The following STIM1 variants were observed in gnomAD, a reference collection of about 807,000 sequenced individuals.
The protein encoded by STIM1 is stromal interaction molecule 1.
STIM1 carries 25 observed loss-of-function variants against 74.7 expected under a neutral mutation model. That is an observed-to-expected ratio of 0.33 (90% CI 0.24 to 0.47). The LOEUF (loss-of-function observed/expected upper bound fraction) is 0.47. STIM1 is among the 20% of genes least tolerant of loss of function. The pLI is 1.00. For missense variants in STIM1, 728 were observed against 920.8 expected (o/e 0.79, Z 2.71); for synonymous variants, 328 against 348.8 (o/e 0.94, Z 0.66).
chr11:4,016,217 A>G (rs2093895202), intron 2 of STIM1, among the ~76,000 whole-genome samples: 1 of 152,206 alleles, frequency 6.6e-6, no homozygotes, highest in African/African-American at 2.4e-5. Flanking sequence ...GGTGACCTAC[A>G]GATGGGGTTT....
chr11:4,052,588 C>A (rs1410747511), intron 3 of STIM1, among the ~76,000 whole-genome samples: 2 of 152,154 alleles, frequency 1.3e-5, no homozygotes, highest in South Asian at 2.1e-4. Context: ...AAAATTAATT[C>A]AAGATGGATT....
chr11:3,972,904 C>G (rs949533458), intron 2 of STIM1: 2 of 495,420 alleles, frequency 4.0e-6, no homozygotes. Context: ...TCCAAAGTTT[C>G]CTCCTTTCGT....
intron 2 of STIM1, among the ~76,000 whole-genome samples, chr11:3,987,202 A>T (rs1430319787): frequency 6.6e-6 from 1 of 152,220 alleles, no homozygotes; most frequent in African/African-American, 2.4e-5. Flanking sequence ...ATAGTCAAAC[A>T]CATATGAAGC....
intron 1 of STIM1, among the ~76,000 whole-genome samples, chr11:3,928,765 T>C (rs1003555831): frequency 6.6e-6 from 1 of 152,154 alleles, no homozygotes; most frequent in African/African-American, 2.4e-5. Context: ...GAAAAGACCA[T>C]ACACCCACAG....
intron 2 of STIM1, among the ~76,000 whole-genome samples, chr11:3,993,793 A>G (rs544797573): frequency 1.3e-5 from 2 of 152,224 alleles, no homozygotes; most frequent in South Asian, 4.1e-4. Flanking sequence ...TGGCACCCAG[A>G]TCTTCATTAT....
chr11:3,967,417 C>T (rs143451980), intron 1 of STIM1, 135 bp from the exon 2 acceptor site: 13 of 1,311,888 alleles, frequency 9.9e-6, no homozygotes, highest in Non-Finnish European at 1.4e-5. Context: ...TGAAACACCT[C>T]TGTCACTGTA....
chr11:4,010,883 A>G (rs530385698), intron 2 of STIM1, among the ~76,000 whole-genome samples: 19 of 151,554 alleles, frequency 1.3e-4, no homozygotes, highest in African/African-American at 4.6e-4. Flanking sequence ...CCCAGCCCCC[A>G]ACAGGCCCTG....
chr11:3,895,677 TCCTTCC>T (rs1219980840), intron 1 of STIM1, among the ~76,000 whole-genome samples: 1 of 50,258 alleles, frequency 2.0e-5, no homozygotes, highest in Non-Finnish European at 3.6e-5. Flanking sequence ...TTTCTTTCCT[TCCTTCC>T]TTCTTTCTTT....
intron 7 of STIM1, among the ~76,000 whole-genome samples, chr11:4,077,805 AC>A (rs1291713036): frequency 2.0e-5 from 3 of 152,116 alleles, no homozygotes. Flanking sequence ...CTGGTGTTTA[AC>A]CCATCCAGTG....
At chr11:3,970,543 G>GTTT (rs111602159) in intron 2 of STIM1, among the ~76,000 whole-genome samples, 4 of 145,804 alleles carry the variant, frequency 2.7e-5, no homozygotes, top group African/African-American at 1.0e-4. Context: ...GACCTGAAGG[G>GTTT]TTTTTTTTTT....
At chr11:3,981,456 G>A (rs1271764463) in intron 2 of STIM1, among the ~76,000 whole-genome samples, 2 of 152,090 alleles carry the variant, frequency 1.3e-5, no homozygotes. Context: ...TTCTCTTAAG[G>A]GTGCTGAGTT....
chr11:4,023,827 C>A (rs1478805757), intron 2 of STIM1, 46 bp from the exon 3 acceptor site: 1 of 1,497,980 alleles, frequency 6.7e-7, no homozygotes, highest in Non-Finnish European at 9.3e-7. Context: ...TCTTGACGGG[C>A]TGACTCCTAG....
intron 2 of STIM1, among the ~76,000 whole-genome samples, chr11:3,990,909 T>A (rs1307264890): frequency 1.3e-5 from 2 of 152,190 alleles, no homozygotes; most frequent in Non-Finnish European, 2.9e-5. Flanking sequence ...GATTTTCTTA[T>A]GCAGATAGTG....
chr11:3,918,541 AAAAG>A (rs71047189), intron 1 of STIM1, among the ~76,000 whole-genome samples: 52,837 of 145,930 alleles, frequency 0.36, 11,293 homozygotes, highest in Admixed American at 0.47. Context: ...CTCAAAAAAA[AAAAG>A]AAAGAAAGAA....
At chr11:3,940,733 C>A (rs12790114) in intron 1 of STIM1, among the ~76,000 whole-genome samples, 130 of 152,176 alleles carry the variant, frequency 8.5e-4, no homozygotes, top group Non-Finnish European at 1.4e-3. Flanking sequence ...GATGGCAAGC[C>A]ATGAATGAAG....
At chr11:3,856,466 C>T in intron 1 of STIM1, 57 bp downstream of exon 1, 1 of 1,576,824 alleles carries the variant, frequency 6.3e-7, no homozygotes, top group Non-Finnish European at 8.6e-7. Flanking sequence ...GACTGAGTGG[C>T]CCGAAGTGGG....
intron 1 of STIM1, among the ~76,000 whole-genome samples, chr11:3,949,850 G>A (rs1057136961): frequency 6.6e-6 from 1 of 152,088 alleles, no homozygotes; most frequent in Non-Finnish European, 1.5e-5. Flanking sequence ...ATCTTGTTCA[G>A]ATTTCCCAGT....
chr11:4,039,918 C>T (rs550062119), intron 3 of STIM1, among the ~76,000 whole-genome samples: 3 of 152,060 alleles, frequency 2.0e-5, no homozygotes, highest in South Asian at 4.2e-4. Flanking sequence ...CAGGTGCCCA[C>T]GATGACGCCC....
Position 4,059,371 on chromosome 11 carries a change from T to G in STIM1, c.588T>G (p.Asp196Glu). Residue 196 changes from aspartate (D) to glutamate (E), a missense_variant, in exon 5 of 13, where the codon GAT (aspartate) becomes GAG (glutamate). By Grantham distance (45) the Asp-to-Glu change is conservative. This residue lies in a region of STIM1 where 132 missense variants were observed against 158.2 expected (regional missense o/e 0.83). Coordinates refer to ENST00000526596, the MANE Select transcript of STIM1 (RefSeq NM_001382567.1). ...HRQKLQLKAL[D>E]TVLFGPPLLT... The stretch of plus-strand genomic sequence containing the variant: ...AGAAGCTGCAGCTGAAGGCTCTGGA[T>G]ACAGTGCTCTTTGGGCCTCCTCTCT... 1 of 1,614,112 alleles carries G rather than the reference T, an allele frequency of 6.2e-7. No individual in the cohort carries two copies. Among genetic ancestry groups the G allele is most frequent in the Non-Finnish European group, 8.5e-7 (1 of 1,179,976 alleles).
Sources: allele counts gnomAD v4.1 joint callset (sites outside exome capture counted in the v4.1 genomes callset), GRCh38; gene constraint gnomAD v4.1.1; regional missense constraint gnomAD v4.1.1; transcripts MANE v1.5; gene names NCBI Gene and HGNC (gene_info 2026-07-23, HGNC 2026-07-21).